PLS3: variants seen among roughly 807,000 people sequenced by gnomAD.
PLS3 encodes the protein plastin 3, also known as plastin-3.
A neutral mutation model predicts 46.5 loss-of-function variants in PLS3; 11 were observed. The observed-to-expected ratio is 0.24, with a 90% CI of 0.15 to 0.39. PLS3 has a LOEUF of 0.39. Among genes scored for constraint, PLS3 ranks in the 10% least tolerant of loss-of-function variants. The pLI, the probability that PLS3 is intolerant of heterozygous loss-of-function variation, is 1.00. For synonymous variants in PLS3, 167 were observed against 162.2 expected, an observed-to-expected ratio of 1.03 and a Z score of -0.22; for missense variants, 308 against 461.8, an observed-to-expected ratio of 0.67 and a Z score of 3.05.
chrX:115,634,658 C>T (rs782165361), intron 6 of PLS3, among the ~76,000 whole-genome samples: 2 of 112,343 alleles, frequency 1.8e-5, no homozygotes, highest in African/African-American at 6.5e-5. Flanking sequence ...AAGTTAACTT[C>T]TCATGAGATT....
chrX:115,587,603 C>T (rs1022757721), intron 1 of PLS3, among the ~76,000 whole-genome samples: 13 of 110,684 alleles, frequency 1.2e-4, no homozygotes, highest in African/African-American at 3.6e-4. Context: ...GGCGTGGTGG[C>T]GGGCACCTGT....
At chrX:115,646,597 T>C in intron 13 of PLS3, 62 bp downstream of exon 13, 3 of 1,014,141 alleles carry the variant, frequency 3.0e-6, no homozygotes, top group South Asian at 4.6e-5. Context: ...ATTTAGTCCT[T>C]ACTGTGTTTA....
At chrX:115,582,472 C>T (rs185054829) in intron 1 of PLS3, among the ~76,000 whole-genome samples, 1 of 112,204 alleles carries the variant, frequency 8.9e-6, no homozygotes, top group African/African-American at 3.2e-5. Flanking sequence ...ATTCAATTCC[C>T]TCCTCGAAGT....
In PLS3 at chrX:115,629,341, A is replaced by T; in HGVS notation, c.367+14A>T. On this transcript the variant is annotated intron_variant, in intron 4 of 15. Coordinates refer to ENST00000355899, the MANE Select transcript of PLS3 (RefSeq NM_005032.7). ...ATTCTTACTCAGGTAATCATTTTAT[A>T]TGCAATAGGTTAACACAATGTGCTA... The T allele has an allele frequency of 8.4e-7, 1 of 1,191,572 alleles. No homozygotes were observed. Among genetic ancestry groups the T allele is most frequent in the Non-Finnish European group, 1.1e-6 (1 of 880,797 alleles).
chrX:115,587,531 C>G (rs916354295), intron 1 of PLS3, among the ~76,000 whole-genome samples: 1 of 111,245 alleles, frequency 9.0e-6, no homozygotes, highest in Non-Finnish European at 1.9e-5. Flanking sequence ...GTCAGGAGAT[C>G]GAGACCATCC....
chrX:115,636,111 T>G (rs1439153199), intron 7 of PLS3, among the ~76,000 whole-genome samples: 2 of 111,496 alleles, frequency 1.8e-5, no homozygotes, highest in Non-Finnish European at 3.8e-5. Flanking sequence ...TAATTTTACT[T>G]AAATACAAAT....
chrX:115,630,814 A>G (rs868910462), intron 5 of PLS3, among the ~76,000 whole-genome samples: 2 of 93,281 alleles, frequency 2.1e-5, no homozygotes, highest in African/African-American at 4.0e-5. Flanking sequence ...TATGTATAAT[A>G]TATATAATAC....
At chrX:115,592,854 A>T (rs1239266346) in intron 1 of PLS3, among the ~76,000 whole-genome samples, 2 of 111,216 alleles carry the variant, frequency 1.8e-5, no homozygotes, top group Admixed American at 1.9e-4. Context: ...TTGCACAGTT[A>T]ATAAAGTGTG....
At chrX:115,647,510 TA>T in intron 13 of PLS3, 39 bp from the exon 14 acceptor site, 1 of 1,154,504 alleles carries the variant, frequency 8.7e-7, no homozygotes, top group Non-Finnish European at 1.2e-6. Context: ...TTTTTCCTCA[TA>T]AAGTAGATGG....
intron 1 of PLS3, among the ~76,000 whole-genome samples, chrX:115,588,760 T>C (rs2074326320): frequency 9.0e-6 from 1 of 110,999 alleles, no homozygotes. Flanking sequence ...TTTTCTTTTT[T>C]TGAGTGAGAG....
At chrX:115,627,708 T>C (rs1469851982) in intron 3 of PLS3, among the ~76,000 whole-genome samples, 3 of 112,323 alleles carry the variant, frequency 2.7e-5, no homozygotes, top group African/African-American at 9.7e-5. Flanking sequence ...TGGTTGTGTT[T>C]AGTATTTAGA....
intron 1 of PLS3, among the ~76,000 whole-genome samples, chrX:115,574,207 A>T (rs1460255058): frequency 9.0e-6 from 1 of 111,211 alleles, no homozygotes; most frequent in African/African-American, 3.3e-5. Context: ...AAAAAGCCCC[A>T]TTTTCCTAGT....
intron 1 of PLS3, among the ~76,000 whole-genome samples, chrX:115,585,540 G>C (rs1556632311): frequency 9.1e-6 from 1 of 109,615 alleles, no homozygotes; most frequent in Non-Finnish European, 1.9e-5. Context: ...ACAGGCACCC[G>C]CCACCACGCC....
intron 5 of PLS3, among the ~76,000 whole-genome samples, chrX:115,631,474 G>A (rs114714065): frequency 0.043 from 4,725 of 110,765 alleles, 98 homozygotes; most frequent in South Asian, 0.1. Context: ...GGTCATGGTG[G>A]CTCACGCCCA....
intron 2 of PLS3, among the ~76,000 whole-genome samples, chrX:115,613,530 T>TA (rs781924893): frequency 2.7e-5 from 3 of 111,201 alleles, no homozygotes; most frequent in Non-Finnish European, 5.7e-5. Flanking sequence ...ATAGCCCGTC[T>TA]AAAAAAAATG....
At chrX:115,628,343 A>T (rs1379776311) in intron 3 of PLS3, among the ~76,000 whole-genome samples, 4 of 112,523 alleles carry the variant, frequency 3.6e-5, no homozygotes, top group Non-Finnish European at 7.5e-5. Flanking sequence ...TTTTCTTTCA[A>T]TGAATCCACT....
intron 1 of PLS3, among the ~76,000 whole-genome samples, chrX:115,562,041 G>T (rs1023803529): frequency 9.1e-6 from 1 of 110,447 alleles, no homozygotes; most frequent in Non-Finnish European, 1.9e-5. Flanking sequence ...TTGCGGCCCC[G>T]GGCGCGCGGT....
intron 2 of PLS3, among the ~76,000 whole-genome samples, chrX:115,612,554 T>C (rs968880839): frequency 3.6e-5 from 4 of 111,179 alleles, no homozygotes; most frequent in East Asian, 5.6e-4. Flanking sequence ...TGGCAGAGAA[T>C]AGGAAAGACT....
intron 3 of PLS3, among the ~76,000 whole-genome samples, chrX:115,623,530 AAATT>A (rs1207402464): frequency 2.7e-5 from 3 of 111,722 alleles, no homozygotes; most frequent in Non-Finnish European, 3.8e-5. Context: ...CTAAATTAAT[AAATT>A]AATTAATTTT....
Sources: gnomAD v4.1 joint callset for allele counts (sites outside exome capture counted in the v4.1 genomes callset) on GRCh38, gnomAD v4.1.1 for gene constraint, MANE v1.5 for transcripts, NCBI Gene and HGNC (gene_info 2026-07-23, HGNC 2026-07-21) for gene names.